The following EML1 variants were observed in gnomAD, a reference collection of about 807,000 sequenced individuals.
EML1 encodes echinoderm microtubule-associated protein-like 1.
In EML1, 27 loss-of-function variants were observed where a neutral mutation model predicts 110.4. The observed-to-expected ratio is 0.24, with a 90% CI of 0.18 to 0.34. The LOEUF (loss-of-function observed/expected upper bound fraction) is 0.34. Among genes scored for constraint, EML1 ranks in the 10% least tolerant of loss-of-function variants. EML1 has a pLI of 1.00. For synonymous variants in EML1, 344 were observed against 385.8 expected (o/e 0.89, Z 1.27); for missense variants, 741 against 1,030.9 (o/e 0.72, Z 3.85).
intron 2 of EML1, among the ~76,000 whole-genome samples, chr14:99,858,403 G>A (rs2058943449): frequency 6.6e-6 from 1 of 151,870 alleles, no homozygotes; most frequent in African/African-American, 2.4e-5. Flanking sequence ...CAGGCTGGTC[G>A]TGAACTCCCA....
rs1253781431 is a variant in EML1, at chr14:99,940,211, C to A, written c.*99C>A. 7 of 1,354,616 alleles carry A rather than the reference C, an allele frequency of 5.2e-6. No homozygotes were observed. Among genetic ancestry groups the A allele is most frequent in the Non-Finnish European group, 5.7e-6 (6 of 1,053,606 alleles). The allele number at this position is 1,354,616 out of a possible 1,614,324, so 83.9% of individuals were successfully genotyped here. A position where few individuals can be genotyped will look rare whatever the true frequency, so the allele number is the denominator to read the frequency against. On this transcript the variant is annotated 3_prime_UTR_variant, in exon 22 of 22. Transcript: ENST00000262233. ...TTCTGTTTTGTTTAAAAAATTCTTA[C>A]AAACCTCAGGAAAACTGTGCCCTCC...
At chr14:99,807,874 G>A (rs1438249869) in intron 1 of EML1, among the ~76,000 whole-genome samples, 1 of 152,138 alleles carries the variant, frequency 6.6e-6, no homozygotes, top group African/African-American at 2.4e-5. Context: ...CATTCCTGAT[G>A]CCTAGTAGGT....
intron 3 of EML1, among the ~76,000 whole-genome samples, chr14:99,877,422 C>T (rs1372382063): frequency 6.6e-6 from 1 of 152,176 alleles, no homozygotes; most frequent in Non-Finnish European, 1.5e-5. Context: ...GTTTACCCCT[C>T]ATGCCTACGA....
intron 1 of EML1, among the ~76,000 whole-genome samples, chr14:99,778,412 T>C (rs2057505751): frequency 6.6e-6 from 1 of 152,214 alleles, no homozygotes; most frequent in Non-Finnish European, 1.5e-5. Flanking sequence ...TTCTGCCTTA[T>C]ATGTAAATCT....
rs1176026357 is a variant in EML1 at position 99,905,397 on chromosome 14, A to G, written c.1009-2241A>G. Among the ~76,000 whole-genome samples the G allele has an allele frequency of 6.6e-6, 1 of 152,172 alleles. No homozygotes were observed. The highest frequency in any genetic ancestry group is 1.5e-5 in the Non-Finnish European group (1 of 68,038). ...GGGCAAGATGGTGGCCCTGAGTAATAGAAAACATAAGAAAGGGAAAAAGGA... is the reference window on the plus strand; with the variant it reads ...GGGCAAGATGGTGGCCCTGAGTAATGGAAAACATAAGAAAGGGAAAAAGGA... On this transcript the variant is annotated intron_variant, in intron 9 of 21. Transcript: ENST00000262233. The surrounding 1 kb of genome is among the most constrained non-coding windows in gnomAD (Gnocchi z 4.1).
chr14:99,794,570 T>C (rs1483308506), intron 1 of EML1, among the ~76,000 whole-genome samples: 1 of 152,174 alleles, frequency 6.6e-6, no homozygotes, highest in Non-Finnish European at 1.5e-5. Context: ...TAAAGAGTAA[T>C]GAGTGTGTTG....
intron 8 of EML1, chr14:99,899,384 C>G (rs1422867089): frequency 6.6e-6 from 1 of 151,710 alleles, no homozygotes; most frequent in East Asian, 1.9e-4. Flanking sequence ...GGCACAATCA[C>G]GGGTCATTGC....
intron 1 of EML1, among the ~76,000 whole-genome samples, chr14:99,801,153 A>G (rs2057869413): frequency 6.6e-6 from 1 of 152,238 alleles, no homozygotes; most frequent in Admixed American, 6.5e-5. Context: ...TTTGAAGGAC[A>G]ATGGGCAGCC....
At position 99,918,421 on chromosome 14, in the gene EML1, G is replaced by A. The variant is rs182555359; in HGVS notation, c.1820+572G>A. On this transcript the variant is annotated intron_variant, in intron 16 of 21. Transcript: ENST00000262233. Reference sequence around the variant, plus strand: ...ACACACACATTTTGCCTACAATCTCGAGGATTTGTGGAGCTTCTCAAGCCC... The same window carrying A: ...ACACACACATTTTGCCTACAATCTCAAGGATTTGTGGAGCTTCTCAAGCCC... Among the ~76,000 whole-genome samples, 231 of 152,298 alleles carry A rather than the reference G, an allele frequency of 1.5e-3. 1 individual carries two copies. The highest frequency in any genetic ancestry group is 2.9e-3 in the African/African-American group (120 of 41,566).
intron 4 of EML1, among the ~76,000 whole-genome samples, chr14:99,887,372 C>CG (rs1004291485): frequency 8.6e-5 from 13 of 151,978 alleles, no homozygotes; most frequent in African/African-American, 9.7e-5. Flanking sequence ...GTTTGTTCAC[C>CG]GGGGGGGCAA....
chr14:99,772,186 C>G (rs187030919), upstream of EML1, among the ~76,000 whole-genome samples: 1 of 152,310 alleles, frequency 6.6e-6, no homozygotes, highest in East Asian at 1.9e-4. Context: ...AGACAATTAA[C>G]TTGTTAGACT....
intron 17 of EML1, among the ~76,000 whole-genome samples, chr14:99,928,245 G>A (rs2060303241): frequency 2.4e-5 from 2 of 83,520 alleles, no homozygotes; most frequent in Non-Finnish European, 2.6e-5. Context: ...GGTGGTGGTG[G>A]TGGGTAGTGG....
intron 17 of EML1, among the ~76,000 whole-genome samples, chr14:99,934,011 C>G (rs186942921): frequency 1.2e-3 from 185 of 152,330 alleles, no homozygotes; most frequent in African/African-American, 4.4e-3. Flanking sequence ...AGGAGAATCA[C>G]TTGAACTCAG....
chr14:99,812,364 A>G (rs571935016), intron 1 of EML1, among the ~76,000 whole-genome samples: 21 of 151,998 alleles, frequency 1.4e-4, no homozygotes, highest in African/African-American at 4.8e-4. Context: ...ACACTGAGAA[A>G]GGAAGTCAGC....
intron 1 of EML1, among the ~76,000 whole-genome samples, chr14:99,745,703 T>C (rs996863167): frequency 4.6e-5 from 7 of 152,202 alleles, no homozygotes; most frequent in African/African-American, 1.7e-4. Context: ...TTTAGAGAAC[T>C]CTCTACCAAG....
intron 3 of EML1, among the ~76,000 whole-genome samples, chr14:99,868,805 C>T (rs1474555551): frequency 1.3e-5 from 2 of 152,000 alleles, no homozygotes; most frequent in African/African-American, 4.8e-5. Flanking sequence ...TTCTCCACTT[C>T]ATTTATCTCT....
At chr14:99,891,578 T>C (rs2059588476) in intron 5 of EML1, among the ~76,000 whole-genome samples, 1 of 152,250 alleles carries the variant, frequency 6.6e-6, no homozygotes, top group African/African-American at 2.4e-5. Flanking sequence ...TGGATTCTGT[T>C]ATCAACATTT....
intron 1 of EML1, among the ~76,000 whole-genome samples, chr14:99,816,405 G>A (rs1172618866): frequency 1.3e-5 from 2 of 152,184 alleles, no homozygotes; most frequent in African/African-American, 2.4e-5. Context: ...TCAGGTGATT[G>A]GCCTGCCTTG....
chr14:99,800,177 G>A (rs371030365), intron 1 of EML1, among the ~76,000 whole-genome samples: 8 of 152,076 alleles, frequency 5.3e-5, no homozygotes, highest in East Asian at 1.9e-4. Flanking sequence ...CTCACTAGAC[G>A]TTTGGCACAT....
Sources: allele counts gnomAD v4.1 joint callset (sites outside exome capture counted in the v4.1 genomes callset), GRCh38; gene constraint gnomAD v4.1.1; non-coding constraint Gnocchi (gnomAD v3.1); transcripts MANE v1.5; gene names NCBI Gene and HGNC (gene_info 2026-07-23, HGNC 2026-07-21).